The following DHRSX variants were observed in gnomAD, a reference collection of about 807,000 sequenced individuals.
DHRSX encodes the protein dehydrogenase/reductase X-linked.
DHRSX carries 31 observed loss-of-function variants against 34.0 expected under a neutral mutation model. The ratio of observed to expected loss-of-function variants is 0.91; its 90% CI spans 0.69 to 1.23. The LOEUF (loss-of-function observed/expected upper bound fraction) is 1.23. Among genes scored for constraint, DHRSX ranks in the 50% most tolerant of loss-of-function variants. The pLI, the probability that DHRSX is intolerant of heterozygous loss-of-function variation, is 0.00. For missense variants in DHRSX, 414 were observed against 428.1 expected (o/e 0.97, Z 0.29); for synonymous variants, 201 against 183.8 (o/e 1.09, Z -0.76).
intron 1 of DHRSX, among the ~76,000 whole-genome samples, chrX:2,434,650 G>A (rs2043971334): frequency 6.6e-6 from 1 of 152,156 alleles, no homozygotes; most frequent in African/African-American, 2.4e-5. Context: ...CAGCCTGGGT[G>A]ACAGAGCAAG....
At chrX:2,464,601 GCTGC>G (rs2044459623) in intron 1 of DHRSX, among the ~76,000 whole-genome samples, 1 of 151,380 alleles carries the variant, frequency 6.6e-6, no homozygotes, top group African/African-American at 2.4e-5. Context: ...CCAGGGGACA[GCTGC>G]CGTGTGCACA....
intron 1 of DHRSX, among the ~76,000 whole-genome samples, chrX:2,445,262 T>C (rs1429869281): frequency 6.6e-6 from 1 of 152,094 alleles, no homozygotes; most frequent in Admixed American, 6.6e-5. Flanking sequence ...AAGTTGCATG[T>C]CAGAAAAAGG....
At chrX:2,457,248 G>A (rs1020635591) in intron 1 of DHRSX, among the ~76,000 whole-genome samples, 3 of 151,724 alleles carry the variant, frequency 2.0e-5, no homozygotes, top group Non-Finnish European at 2.9e-5. Flanking sequence ...GTGGCCAAGG[G>A]ACCACCACCA....
intron 1 of DHRSX, among the ~76,000 whole-genome samples, chrX:2,498,930 C>T (rs1355915482): frequency 6.6e-6 from 1 of 152,148 alleles, no homozygotes; most frequent in Non-Finnish European, 1.5e-5. Flanking sequence ...CCTTTACTCT[C>T]CTTCTTCTAT....
intron 3 of DHRSX, among the ~76,000 whole-genome samples, chrX:2,354,117 G>T (rs1356426931): frequency 6.6e-6 from 1 of 152,104 alleles, no homozygotes; most frequent in Non-Finnish European, 1.5e-5. Flanking sequence ...GGTAGGCATC[G>T]TCTCCTGGTG....
At chrX:2,465,057 G>A (rs1172438803) in intron 1 of DHRSX, among the ~76,000 whole-genome samples, 1 of 150,374 alleles carries the variant, frequency 6.7e-6, no homozygotes, top group Non-Finnish European at 1.5e-5. Flanking sequence ...ACGTTCCCTA[G>A]GCATATGGCC....
intron 6 of DHRSX, among the ~76,000 whole-genome samples, chrX:2,233,862 G>A (rs1302141851): frequency 6.6e-6 from 1 of 151,924 alleles, no homozygotes; most frequent in Non-Finnish European, 1.5e-5. Context: ...AGGAATGAAT[G>A]GCTCATAATT....
chrX:2,303,258 A>C (rs1321497601), intron 3 of DHRSX, among the ~76,000 whole-genome samples: 3 of 152,196 alleles, frequency 2.0e-5, no homozygotes, highest in Non-Finnish European at 4.4e-5. Flanking sequence ...GATATAGTTT[A>C]GATCTGTGTC....
intron 3 of DHRSX, among the ~76,000 whole-genome samples, chrX:2,325,070 G>A (rs2042362816): frequency 6.6e-6 from 1 of 151,770 alleles, no homozygotes; most frequent in South Asian, 2.1e-4. Context: ...CACTGCGCCC[G>A]GCAGCTTTTC....
chrX:2,474,611 C>T (rs1403644168), intron 1 of DHRSX, among the ~76,000 whole-genome samples: 6 of 148,754 alleles, frequency 4.0e-5, no homozygotes, highest in South Asian at 2.1e-4. Context: ...GGCTAAGGGA[C>T]GGCGGCCATC....
At chrX:2,342,607 T>C (rs1297685423) in intron 3 of DHRSX, among the ~76,000 whole-genome samples, 2 of 152,130 alleles carry the variant, frequency 1.3e-5, no homozygotes, top group Non-Finnish European at 2.9e-5. Context: ...CTGAGAACTC[T>C]CCCGAGGTCT....
At chrX:2,265,773 G>A (rs781001192) in intron 5 of DHRSX, among the ~76,000 whole-genome samples, 1 of 141,520 alleles carries the variant, frequency 7.1e-6, no homozygotes, top group African/African-American at 2.7e-5. Context: ...GCAGACGCAG[G>A]GAGCACTGTC....
intron 3 of DHRSX, among the ~76,000 whole-genome samples, chrX:2,378,358 A>G (rs2043165764): frequency 1.3e-5 from 2 of 152,094 alleles, no homozygotes; most frequent in Admixed American, 1.3e-4. Context: ...ATGACAGTGG[A>G]CCCTTGAACA....
At chrX:2,266,597 T>G in intron 5 of DHRSX, 143 bp downstream of exon 5, 1 of 820,372 alleles carries the variant, frequency 1.2e-6, no homozygotes, top group Non-Finnish European at 2.0e-6. Flanking sequence ...AAAGCACCAG[T>G]GCTCGGCAGA....
chrX:2,476,744 C>G (rs2044686151), intron 1 of DHRSX, among the ~76,000 whole-genome samples: 2 of 152,300 alleles, frequency 1.3e-5, no homozygotes, highest in Non-Finnish European at 2.9e-5. Flanking sequence ...AGACTCACAC[C>G]TGTAATCCCA....
chrX:2,343,535 T>C (rs181594478), intron 3 of DHRSX, among the ~76,000 whole-genome samples: 6,348 of 152,284 alleles, frequency 0.042, 368 homozygotes, highest in African/African-American at 0.13. Context: ...CAGAGGACTC[T>C]GTGGTCATGA....
chrX:2,220,923 A>T lies in DHRSX; in HGVS notation c.*118T>A. On this transcript the variant is annotated 3_prime_UTR_variant, in exon 7 of 7. Transcript: ENST00000334651. The stretch of plus-strand genomic sequence containing the variant: ...GAGGCAGCTGTCTCAAAACTAGAGG[A>T]CAGAGCCCTGTGGGCAGGTGGGTGT... 1.1e-6 allele frequency: 1 copy of T among 943,446 alleles called. No individual in the cohort carries two copies. Among genetic ancestry groups the T allele is most frequent in the Non-Finnish European group, 1.6e-6 (1 of 628,308 alleles). The allele number at this position is 943,446 out of a possible 1,614,324, so 58.4% of individuals were successfully genotyped here.
intron 1 of DHRSX, among the ~76,000 whole-genome samples, chrX:2,457,812 A>G (rs1456242589): frequency 1.3e-5 from 2 of 149,600 alleles, no homozygotes; most frequent in African/African-American, 5.0e-5. Flanking sequence ...TGCACACTGA[A>G]GACGTTCCCT....
chrX:2,464,116 GGGACGGCCGC>G (rs1486639009), intron 1 of DHRSX, among the ~76,000 whole-genome samples: 8 of 152,116 alleles, frequency 5.3e-5, no homozygotes, highest in African/African-American at 1.7e-4. Context: ...ACGTGGCTAA[GGGACGGCCGC>G]CATGTACGCA....
Sources: gnomAD v4.1 joint callset for allele counts (sites outside exome capture counted in the v4.1 genomes callset) on GRCh38, gnomAD v4.1.1 for gene constraint, MANE v1.5 for transcripts, NCBI Gene and HGNC (gene_info 2026-07-23, HGNC 2026-07-21) for gene names.